CEP112: variants seen among roughly 807,000 people sequenced by gnomAD.
The protein encoded by CEP112 is centrosomal protein 112.
A neutral mutation model predicts 153.0 loss-of-function variants in CEP112; 127 were observed. That is an observed-to-expected ratio of 0.83 (90% confidence interval 0.72 to 0.96). The LOEUF (loss-of-function observed/expected upper bound fraction) is 0.96. CEP112 is among the 40% of genes least tolerant of loss of function. The pLI, the probability that CEP112 is intolerant of heterozygous loss-of-function variation, is 0.00. For missense variants in CEP112, 1,089 were observed against 1,101.2 expected (o/e 0.99, Z 0.16); for synonymous variants, 358 against 374.4 (o/e 0.96, Z 0.51).
At chr17:66,029,522 C>A (rs2065370809) in intron 13 of CEP112, among the ~76,000 whole-genome samples, 1 of 151,914 alleles carries the variant, frequency 6.6e-6, no homozygotes, top group Admixed American at 6.6e-5. Flanking sequence ...CAGAGTGAGA[C>A]CGTGTCTCTA....
chr17:66,062,777 T>A (rs1398006222), intron 11 of CEP112, among the ~76,000 whole-genome samples, 186 bp downstream of exon 11: 1 of 152,174 alleles, frequency 6.6e-6, no homozygotes, highest in Admixed American at 6.5e-5. Context: ...AACTATTTTA[T>A]AGACCATAGA....
intron 20 of CEP112, among the ~76,000 whole-genome samples, chr17:65,882,441 C>T (rs1263060646): frequency 1.3e-5 from 2 of 152,164 alleles, no homozygotes; most frequent in Non-Finnish European, 2.9e-5. Flanking sequence ...TCTCGGAAAT[C>T]ATTATTATTT....
chr17:65,721,186 AT>A (rs1567914311), intron 23 of CEP112, among the ~76,000 whole-genome samples: 2 of 151,706 alleles, frequency 1.3e-5, no homozygotes, highest in African/African-American at 4.8e-5. Context: ...AATTTTTTGT[AT>A]TTTTAGTAGA....
At chr17:65,678,614 C>A (rs907964408) in intron 24 of CEP112, among the ~76,000 whole-genome samples, 11 of 152,204 alleles carry the variant, frequency 7.2e-5, no homozygotes, top group African/African-American at 2.2e-4. Context: ...TTTGAACCCT[C>A]CAGTCCCAGG....
intron 19 of CEP112, among the ~76,000 whole-genome samples, chr17:65,907,932 A>C (rs2060142913): frequency 6.6e-6 from 1 of 152,202 alleles, no homozygotes; most frequent in Non-Finnish European, 1.5e-5. Context: ...GTTAATGATG[A>C]CCAGGAGGTG....
intron 6 of CEP112, among the ~76,000 whole-genome samples, chr17:66,129,223 A>G (rs188446027): frequency 1.0e-3 from 154 of 152,276 alleles, no homozygotes; most frequent in Middle Eastern, 3.4e-3. Flanking sequence ...CCAAACACCC[A>G]ATCACGACAG....
intron 19 of CEP112, chr17:65,913,558 G>C (rs2060363395): frequency 2.0e-6 from 2 of 985,072 alleles, no homozygotes; most frequent in South Asian, 4.7e-5. Flanking sequence ...GTGGCTCCCA[G>C]ATTAGATGTT....
chr17:65,734,240 A>G (rs1345401091), intron 23 of CEP112, among the ~76,000 whole-genome samples: 1 of 152,230 alleles, frequency 6.6e-6, no homozygotes, highest in Non-Finnish European at 1.5e-5. Flanking sequence ...GTCAAAGGGA[A>G]AGGATACTTT....
chr17:66,100,523 T>C (rs1196154736), intron 6 of CEP112, among the ~76,000 whole-genome samples: 2 of 149,820 alleles, frequency 1.3e-5, no homozygotes, highest in African/African-American at 4.9e-5. Context: ...CATAAAAACG[T>C]GTTTAAAAAG....
intron 20 of CEP112, among the ~76,000 whole-genome samples, chr17:65,869,555 T>C (rs2058583812): frequency 1.3e-5 from 2 of 149,238 alleles, no homozygotes; most frequent in South Asian, 4.2e-4. Flanking sequence ...GAACTTAACA[T>C]ATAGGAAAGG....
chr17:65,682,333 C>T (rs1448940996), intron 24 of CEP112, among the ~76,000 whole-genome samples: 2 of 152,132 alleles, frequency 1.3e-5, no homozygotes, highest in Admixed American at 1.3e-4. Flanking sequence ...TTACCCTCTT[C>T]TTTCTACCCC....
chr17:66,005,773 C>T lies in CEP112; in HGVS notation c.1657-4G>A. 2 of 1,592,980 alleles carry T rather than the reference C, an allele frequency of 1.3e-6. No individual in the cohort carries two copies. The highest frequency in any genetic ancestry group is 1.4e-5 in the African/African-American group (1 of 73,786). On this transcript the variant is annotated splice_polypyrimidine_tract_variant and splice_region_variant and intron_variant, in intron 16 of 26. Transcript: ENST00000535342. The stretch of plus-strand genomic sequence containing the variant: ...GTTCACTCTGCAAGTCATGAGCCTG[C>T]CATGACAAGAACATGGAAAATTTAT...
chr17:65,890,746 T>C (rs903895191), intron 20 of CEP112, among the ~76,000 whole-genome samples: 3 of 152,278 alleles, frequency 2.0e-5, no homozygotes, highest in South Asian at 2.1e-4. Context: ...TCTCCTTCCA[T>C]ACCAAAGAAT....
At chr17:65,642,277 A>G (rs1173716652) in intron 24 of CEP112, among the ~76,000 whole-genome samples, 2 of 152,244 alleles carry the variant, frequency 1.3e-5, no homozygotes, top group Non-Finnish European at 1.5e-5. Context: ...TATCATACCA[A>G]GTGATTCATC....
At chr17:65,643,053 C>T (rs1000944996) in intron 24 of CEP112, among the ~76,000 whole-genome samples, 1 of 152,110 alleles carries the variant, frequency 6.6e-6, no homozygotes, top group African/African-American at 2.4e-5. Flanking sequence ...CCAGGATTCC[C>T]TGCCCACTGG....
intron 16 of CEP112, among the ~76,000 whole-genome samples, chr17:66,019,512 G>A (rs2064912512): frequency 6.6e-6 from 1 of 152,096 alleles, no homozygotes; most frequent in African/African-American, 2.4e-5. Flanking sequence ...TGTAAAAGGG[G>A]GAGATTATGA....
At chr17:66,056,887 T>C (rs2066714637) in intron 11 of CEP112, among the ~76,000 whole-genome samples, 3 of 152,168 alleles carry the variant, frequency 2.0e-5, no homozygotes, top group South Asian at 4.1e-4. Flanking sequence ...TTTTATGGCA[T>C]GTAAATCATA....
chr17:65,652,696 C>T lies in CEP112; in HGVS notation c.2698-11631G>A, dbSNP rs201610416. On this transcript the variant is annotated intron_variant, in intron 24 of 26. Transcript: ENST00000535342. The stretch of plus-strand genomic sequence containing the variant: ...GATTGAGAAAGTACCTTACCAAAAG[C>T]TCCTATGAATCCAGAATCAATTTTA... 9.9e-5 allele frequency among the ~76,000 whole-genome samples: 15 copies of T among 152,170 alleles called. No individual in the cohort carries two copies. The East Asian group carries it at 2.7e-3, about 27-fold the overall frequency.
At chr17:66,092,869 A>G (rs2068196880) in intron 8 of CEP112, among the ~76,000 whole-genome samples, 1 of 152,250 alleles carries the variant, frequency 6.6e-6, no homozygotes, top group African/African-American at 2.4e-5. Context: ...ATGTACCTCA[A>G]TACAATAAAG....
Sources: gnomAD v4.1 joint callset for allele counts (sites outside exome capture counted in the v4.1 genomes callset) on GRCh38, gnomAD v4.1.1 for gene constraint, MANE v1.5 for transcripts, NCBI Gene and HGNC (gene_info 2026-07-23, HGNC 2026-07-21) for gene names.